The following RECK variants were observed in gnomAD, a reference collection of about 807,000 sequenced individuals.
The protein encoded by RECK is reversion-inducing cysteine-rich protein with Kazal motifs.
Under a neutral mutation model 115.1 loss-of-function variants are expected in RECK, and 69 were observed. The observed-to-expected ratio is 0.60, with a 90% CI of 0.49 to 0.73. The LOEUF is 0.73. Ranked by LOEUF, RECK falls within the 30% of genes least tolerant of loss-of-function variation. The probability of loss-of-function intolerance (pLI) is 0.00; values close to 1 mark genes in which losing one functional copy is unlikely to be tolerated. For synonymous variants in RECK, 414 were observed against 419.7 expected (o/e 0.99, Z 0.17); for missense variants, 1,047 against 1,203.7 (o/e 0.87, Z 1.93).
chr9:36,102,144 C>A lies in RECK; in HGVS notation c.1349C>A (p.Pro450His), dbSNP rs755474618. Residue 450 changes from proline (P) to histidine (H), a missense_variant, in exon 12 of 21, where the codon CCT becomes CAT. By Grantham distance (77) the Pro-to-His change is moderately conservative. Transcript: ENST00000377966. ...AAATGTGGAGACCAGAACAAATTCC[C>A]TGAAGACCACACAGCTGAAAGTATT... Reference protein sequence around the residue: ...LKKCGDQNKFPEDHTAESICE... With the variant: ...LKKCGDQNKFHEDHTAESICE... 1 of 1,613,604 alleles carries A rather than the reference C, an allele frequency of 6.2e-7. No individual in the cohort carries two copies. Among genetic ancestry groups the A allele is most frequent in the African/African-American group, 1.3e-5 (1 of 74,908 alleles).
intron 2 of RECK, among the ~76,000 whole-genome samples, chr9:36,056,629 C>G (rs1341966487): frequency 6.6e-6 from 1 of 152,160 alleles, no homozygotes; most frequent in East Asian, 1.9e-4. Flanking sequence ...ATATGGTAGC[C>G]ACTAGCCACA....
At chr9:36,064,889 CAT>C (rs148447526) in intron 5 of RECK, among the ~76,000 whole-genome samples, 2,396 of 152,190 alleles carry the variant, frequency 0.016, 48 homozygotes, top group East Asian at 0.061. Flanking sequence ...GAAACTGACT[CAT>C]GTGGAAAAAC....
intron 9 of RECK, among the ~76,000 whole-genome samples, chr9:36,089,817 G>C (rs1378757731): frequency 1.3e-5 from 2 of 152,110 alleles, no homozygotes; most frequent in East Asian, 3.9e-4. Context: ...AAGCATTTCA[G>C]ATGAGGGATA....
chr9:36,045,102 A>C lies in RECK; in HGVS notation c.101-7163A>C, dbSNP rs115786842. Among the ~76,000 whole-genome samples, 521 of 152,360 alleles carry C rather than the reference A, an allele frequency of 3.4e-3. 2 individuals carry two copies. The highest frequency in any genetic ancestry group is 0.012 in the African/African-American group (504 of 41,572). ...AAAAACAAAATATGTATCTATCCAT[A>C]CATACATACAGATAGATATGGCAGT... On this transcript the variant is annotated intron_variant, in intron 1 of 20. Coordinates refer to ENST00000377966, the MANE Select transcript of RECK (RefSeq NM_021111.3).
chr9:36,080,691 T>C lies in RECK; in HGVS notation c.439+53T>C. 2.0e-6 allele frequency: 3 copies of C among 1,524,976 alleles called. No individual in the cohort carries two copies. In the South Asian group the frequency reaches 3.4e-5, roughly 17 times the overall value. 94.5% of individuals were successfully genotyped at this position (1,524,976 alleles called of 1,614,324 possible). ...AACAGTCCAAAGATATAATTAGCCA[T>C]CTGAAGCAATGTGCACAGCAGGATT... On this transcript the variant is annotated intron_variant, in intron 7 of 20. Coordinates refer to ENST00000377966, the MANE Select transcript of RECK (RefSeq NM_021111.3).
At chr9:36,118,672 A>T in intron 17 of RECK, 85 bp from the exon 18 acceptor site, 2 of 1,292,116 alleles carry the variant, frequency 1.5e-6, no homozygotes, top group Admixed American at 4.2e-5. Context: ...TCCTTCCTGA[A>T]AATAGGGAGG....
chr9:36,061,997 T>G (rs1821789152), intron 4 of RECK, among the ~76,000 whole-genome samples: 1 of 152,230 alleles, frequency 6.6e-6, no homozygotes, highest in Admixed American at 6.5e-5. Context: ...ACATTTTTTT[T>G]CAAATATAAA....
intron 6 of RECK, among the ~76,000 whole-genome samples, chr9:36,071,158 TC>T (rs1822214184): frequency 6.6e-6 from 1 of 152,248 alleles, no homozygotes; most frequent in Non-Finnish European, 1.5e-5. Context: ...GTTCATGTTT[TC>T]CAGGGGGTGT....
intron 1 of RECK, among the ~76,000 whole-genome samples, chr9:36,038,832 CT>C (rs1380767295): frequency 3.3e-5 from 5 of 151,138 alleles, no homozygotes; most frequent in Admixed American, 3.3e-4. Context: ...AAACAAGAAA[CT>C]TTTTTGCTGG....
At chr9:36,088,056 G>GTATA in intron 9 of RECK, 95 bp downstream of exon 9, 1 of 885,818 alleles carries the variant, frequency 1.1e-6, no homozygotes, top group South Asian at 1.6e-5. Context: ...TTCTTACGTG[G>GTATA]TATAGGTTTA....
intron 14 of RECK, 107 bp from the exon 15 acceptor site, chr9:36,109,850 A>T: frequency 8.3e-7 from 1 of 1,198,666 alleles, no homozygotes; most frequent in African/African-American, 1.5e-5. Context: ...CTCAAAAAAA[A>T]AAAAAGGAAT....
intron 1 of RECK, among the ~76,000 whole-genome samples, chr9:36,042,506 C>A (rs554055270): frequency 6.6e-6 from 1 of 150,620 alleles, no homozygotes; most frequent in Non-Finnish European, 1.5e-5. Flanking sequence ...GGCATTTGGG[C>A]TGATTCCATA....
intron 11 of RECK, among the ~76,000 whole-genome samples, chr9:36,101,417 C>T (rs1305986132): frequency 6.6e-6 from 1 of 152,126 alleles, no homozygotes; most frequent in Admixed American, 6.5e-5. Context: ...AGTTAATATC[C>T]AGCCCCTAAG....
chr9:36,052,164 A>G (rs1205505275), intron 1 of RECK, 101 bp from the exon 2 acceptor site: 1 of 702,672 alleles, frequency 1.4e-6, no homozygotes, highest in Non-Finnish European at 2.6e-6. Context: ...AATAATAATA[A>G]TCATCATCTA....
At chr9:36,103,441 G>A (rs569052634) in intron 12 of RECK, among the ~76,000 whole-genome samples, 59 of 152,294 alleles carry the variant, frequency 3.9e-4, no homozygotes, top group African/African-American at 1.4e-3. Context: ...ATGGCTATTG[G>A]AGTTCTAACC....
chr9:36,089,602 GGGTCACA>G (rs1823085625), intron 9 of RECK, among the ~76,000 whole-genome samples: 1 of 152,080 alleles, frequency 6.6e-6, no homozygotes, highest in Non-Finnish European at 1.5e-5. Flanking sequence ...CTCATGTGAT[GGGTCACA>G]GTCAAAATGC....
chr9:36,065,462 C>T (rs1821955789), intron 5 of RECK, 115 bp from the exon 6 acceptor site: 14 of 666,362 alleles, frequency 2.1e-5, no homozygotes, highest in South Asian at 1.4e-4. Flanking sequence ...TAAGGTTTTC[C>T]TTGATGAAAT....
intron 6 of RECK, among the ~76,000 whole-genome samples, chr9:36,070,962 C>G (rs1184525548): frequency 1.3e-5 from 2 of 152,124 alleles, no homozygotes; most frequent in Non-Finnish European, 2.9e-5. Context: ...TTTGGCCTAC[C>G]TAAAAGTATT....
At chr9:36,071,229 T>A (rs2034575668) in intron 6 of RECK, among the ~76,000 whole-genome samples, 1 of 152,224 alleles carries the variant, frequency 6.6e-6, no homozygotes, top group Admixed American at 6.5e-5. Context: ...GTGAACATTT[T>A]CTTCTAGCCA....
Sources: allele counts gnomAD v4.1 joint callset (sites outside exome capture counted in the v4.1 genomes callset), GRCh38; gene constraint gnomAD v4.1.1; transcripts MANE v1.5; gene names NCBI Gene and HGNC (gene_info 2026-07-23, HGNC 2026-07-21).